Variants in CYB561 observed in about 807,000 individuals in gnomAD.
The protein encoded by CYB561 is transmembrane ascorbate-dependent reductase CYB561.
In CYB561, 11 loss-of-function variants were observed where a neutral mutation model predicts 25.3. The ratio of observed to expected loss-of-function variants is 0.44; its 90% CI spans 0.27 to 0.72. CYB561 has a LOEUF of 0.72. Ranked by LOEUF, CYB561 falls within the 30% of genes least tolerant of loss-of-function variation. CYB561 has a pLI of 0.18. For missense variants in CYB561, 295 were observed against 334.9 expected (o/e 0.88, Z 0.93); for synonymous variants, 165 against 158.8 (o/e 1.04, Z -0.29).
At position 63,437,162 on chromosome 17, in the gene CYB561, C is replaced by T; in HGVS notation, c.202+184G>A. Reference sequence around the variant, plus strand: ...CAGGCTGGAGAGGAGCTGCCACTCACCAACCTCAGAGCCTGGGTTTGGATT... The same window carrying T: ...CAGGCTGGAGAGGAGCTGCCACTCATCAACCTCAGAGCCTGGGTTTGGATT... On this transcript the variant is annotated intron_variant, in intron 2 of 5. Transcript: ENST00000360793. 5.0e-6 allele frequency: 3 copies of T among 597,398 alleles called. No individual in the cohort carries two copies. In the South Asian group the frequency reaches 6.3e-5, roughly 13 times the overall value. The allele number at this position is 597,398 out of a possible 1,614,324, so 37.0% of individuals were successfully genotyped here. A position where few individuals can be genotyped will look rare whatever the true frequency, so the allele number is the denominator to read the frequency against.
At chr17:63,437,970 G>GGC in intron 1 of CYB561, 1 of 643,050 alleles carries the variant, frequency 1.6e-6, no homozygotes, top group Non-Finnish European at 2.5e-6. Flanking sequence ...TCCCACGGCG[G>GGC]CCCCGCCACC....
intron 1 of CYB561, among the ~76,000 whole-genome samples, chr17:63,440,519 T>C (rs1253797867): frequency 6.6e-6 from 1 of 152,188 alleles, no homozygotes; most frequent in Admixed American, 6.5e-5. Flanking sequence ...GCCAGTGAAA[T>C]GCCAACTGCA....
At chr17:63,434,829 A>G (rs2049276315) in intron 5 of CYB561, among the ~76,000 whole-genome samples, 1 of 152,238 alleles carries the variant, frequency 6.6e-6, no homozygotes, top group Non-Finnish European at 1.5e-5. Context: ...AGCTCTAAGC[A>G]GTTGTCCTGC....
intron 1 of CYB561, among the ~76,000 whole-genome samples, chr17:63,442,480 C>T (rs974466165): frequency 3.3e-5 from 5 of 152,154 alleles, no homozygotes; most frequent in African/African-American, 9.7e-5. Flanking sequence ...AATACTCTCT[C>T]GCTCTTCCCT....
chr17:63,445,208 G>A (rs2049411758), intron 1 of CYB561, among the ~76,000 whole-genome samples: 1 of 151,976 alleles, frequency 6.6e-6, no homozygotes, highest in Non-Finnish European at 1.5e-5. Flanking sequence ...AGTAAGGAAA[G>A]CAAGAAAGCA....
chr17:63,438,133 C>T (rs774888131), intron 1 of CYB561: 4 of 1,535,220 alleles, frequency 2.6e-6, no homozygotes, highest in South Asian at 2.4e-5. Flanking sequence ...TGGGACACGA[C>T]GCCAGGAGTT....
At position 63,435,730 on chromosome 17, in the gene CYB561, G is replaced by A. The variant is rs761080171; in HGVS notation, c.363C>T (p.His121=). The change falls in exon 4 of 6, where the codon CAC becomes CAT. Residue 121 remains histidine, a synonymous_variant. Coordinates refer to ENST00000360793, the MANE Select transcript of CYB561 (RefSeq NM_001915.4). Reference sequence around the variant, plus strand: ...CAAAGACAAGGATCCCGCACCAGCTGTGTAGGCTGTACAGGTCAGCGTAGC... The same window carrying A: ...CAAAGACAAGGATCCCGCACCAGCTATGTAGGCTGTACAGGTCAGCGTAGC... ...KKGYADLYSL[H]SWCGILVFVL... 6 of 1,614,260 alleles carry A rather than the reference G, an allele frequency of 3.7e-6. No individual in the cohort carries two copies. The highest frequency in any genetic ancestry group is 1.3e-5 in the African/African-American group (1 of 75,074).
intron 1 of CYB561, among the ~76,000 whole-genome samples, chr17:63,444,462 C>CA (rs1454255463): frequency 3.3e-5 from 5 of 152,174 alleles, no homozygotes; most frequent in Non-Finnish European, 7.3e-5. Flanking sequence ...GTGCCTGCCA[C>CA]AAAGTAGGCA....
chr17:63,436,370 C>A lies in CYB561; in HGVS notation c.203-218G>T, dbSNP rs1348080066. Among the ~76,000 whole-genome samples the A allele has an allele frequency of 2.6e-5, 4 of 152,012 alleles. No individual in the cohort carries two copies. Among genetic ancestry groups the A allele is most frequent in the Non-Finnish European group, 5.9e-5 (4 of 67,984 alleles). ...ACCTAGGGCTGTGTGCACCTTAACA[C>A]CCCTCCCCCACCCTCCAACCTCCCC... On this transcript the variant is annotated intron_variant, in intron 2 of 5. Coordinates refer to ENST00000360793, the MANE Select transcript of CYB561 (RefSeq NM_001915.4). This position sits in a 1 kb window ranked among gnomAD's most constrained non-coding sequence, Gnocchi z 4.8.
chr17:63,436,136 A>T lies in CYB561; in HGVS notation c.219T>A (p.Arg73=). ...FLQGNALLVY[R]VFRNEAKRTT... ...TGCGTTTAGCTTCGTTCCTGAAGACACGGTAAACCAGCAGGGCTGTGGGAG... is the reference window on the plus strand; with the variant it reads ...TGCGTTTAGCTTCGTTCCTGAAGACTCGGTAAACCAGCAGGGCTGTGGGAG... The change falls in exon 3 of 6, where the codon CGT becomes CGA. Residue 73 remains arginine, a synonymous_variant. Coordinates refer to ENST00000360793, the MANE Select transcript of CYB561 (RefSeq NM_001915.4). This position sits in a 1 kb window ranked among gnomAD's most constrained non-coding sequence, Gnocchi z 4.8. 6.2e-7 allele frequency: 1 copy of T among 1,614,066 alleles called. No individual in the cohort carries two copies. The highest frequency in any genetic ancestry group is 1.1e-5 in the South Asian group (1 of 91,086).
chr17:63,441,599 C>A (rs1320649428), intron 1 of CYB561, among the ~76,000 whole-genome samples: 1 of 152,236 alleles, frequency 6.6e-6, no homozygotes, highest in Non-Finnish European at 1.5e-5. Flanking sequence ...GCCTCCAAGA[C>A]CCGTCCCAGC....
chr17:63,441,877 C>T (rs1298252809), intron 1 of CYB561, among the ~76,000 whole-genome samples: 1 of 152,246 alleles, frequency 6.6e-6, no homozygotes, highest in Non-Finnish European at 1.5e-5. Flanking sequence ...TCGGTTCCAC[C>T]ATGGCACTAA....
At chr17:63,435,335 C>T (rs1329973415) in intron 4 of CYB561, 92 bp from the exon 5 acceptor site, 8 of 1,377,728 alleles carry the variant, frequency 5.8e-6, no homozygotes, top group East Asian at 2.3e-5. Context: ...GCCCACGTGG[C>T]GACTGTGAGC....
intron 4 of CYB561, chr17:63,435,468 G>A: frequency 1.5e-6 from 1 of 679,442 alleles, no homozygotes; most frequent in East Asian, 2.7e-5. Context: ...AGCTGGGCTT[G>A]TGGCCAAAAG....
Position 63,436,101 on chromosome 17 carries a change from A to G in CYB561, c.254T>C (p.Val85Ala). ...AAAGATGTGCAGCAGCCCGTGCAGGACCTTGGTGGTGCGTTTAGCTTCGTT... is the reference window on the plus strand; with the variant it reads ...AAAGATGTGCAGCAGCCCGTGCAGGGCCTTGGTGGTGCGTTTAGCTTCGTT... ...FRNEAKRTTKVLHGLLHIFAL... is the reference protein window; with the variant it reads ...FRNEAKRTTKALHGLLHIFAL... The change falls in exon 3 of 6, where the codon GTC (valine) becomes GCC (alanine). Residue 85 changes from valine to alanine, a missense_variant. Physicochemically the swap from Val to Ala is moderately conservative, Grantham distance 64. Coordinates refer to ENST00000360793, the MANE Select transcript of CYB561 (RefSeq NM_001915.4). This position sits in a 1 kb window ranked among gnomAD's most constrained non-coding sequence, Gnocchi z 4.8. 6.2e-7 allele frequency: 1 copy of G among 1,614,194 alleles called. No homozygotes were observed.
Position 63,436,097 on chromosome 17 carries a change from C to T in CYB561, c.258G>A (p.Leu86=), listed in dbSNP as rs2049296793. 3 of 1,614,110 alleles carry T rather than the reference C, an allele frequency of 1.9e-6. No individual in the cohort carries two copies. The highest frequency in any genetic ancestry group is 1.7e-5 in the Admixed American group (1 of 60,012). ...RNEAKRTTKV[L]HGLLHIFALV... is the part of the protein sequence containing the mutation. ...GCGCAAAGATGTGCAGCAGCCCGTG[C>T]AGGACCTTGGTGGTGCGTTTAGCTT... is the stretch of plus-strand genomic sequence containing the variant. Residue 86 remains leucine, a synonymous_variant, in exon 3 of 6, where the codon CTG becomes CTA. Transcript: ENST00000360793. This position sits in a 1 kb window ranked among gnomAD's most constrained non-coding sequence, Gnocchi z 4.8.
intron 1 of CYB561, chr17:63,440,109 T>C (rs1299539029): frequency 2.5e-6 from 1 of 398,486 alleles, no homozygotes; most frequent in Non-Finnish European, 4.4e-6. Context: ...TCTGTCCTTA[T>C]CTGTCACCTA....
chr17:63,438,646 G>T (rs2049342796), intron 1 of CYB561, among the ~76,000 whole-genome samples: 1 of 152,194 alleles, frequency 6.6e-6, no homozygotes, highest in Admixed American at 6.5e-5. Context: ...CCCCAGAAAC[G>T]AGGCCTGCGA....
In CYB561 at chr17:63,434,185, C is replaced by G; in HGVS notation, c.*217G>C. 3.7e-6 allele frequency: 2 copies of G among 538,094 alleles called. No individual in the cohort carries two copies. The highest frequency in any genetic ancestry group is 2.9e-5 in the East Asian group (1 of 34,898). 33.3% of individuals were successfully genotyped at this position (538,094 alleles called of 1,614,324 possible). A position where few individuals can be genotyped will look rare whatever the true frequency, so the allele number is the denominator to read the frequency against. On this transcript the variant is annotated 3_prime_UTR_variant, in exon 6 of 6. Coordinates refer to ENST00000360793, the MANE Select transcript of CYB561 (RefSeq NM_001915.4). ...TGCACTGAAGGGGGCAACAGAGACA[C>G]GGGAGCCACACACAATGAACTGGTC...
Sources: allele counts gnomAD v4.1 joint callset (sites outside exome capture counted in the v4.1 genomes callset), GRCh38; gene constraint gnomAD v4.1.1; non-coding constraint Gnocchi (gnomAD v3.1); transcripts MANE v1.5; gene names NCBI Gene and HGNC (gene_info 2026-07-23, HGNC 2026-07-21).